SEMA3D: variants seen among roughly 807,000 people sequenced by gnomAD.
SEMA3D encodes semaphorin-3D.
SEMA3D carries 84 observed loss-of-function variants against 100.1 expected under a neutral mutation model. The observed-to-expected ratio is 0.84, with a 90% CI of 0.70 to 1.01. The LOEUF (loss-of-function observed/expected upper bound fraction) is 1.01, where lower values mean the gene tolerates loss of function less well. Ranked by LOEUF, SEMA3D falls within the 50% of genes least tolerant of loss-of-function variation. SEMA3D has a pLI of 0.00. For missense variants in SEMA3D, 875 were observed against 934.1 expected, an observed-to-expected ratio of 0.94 and a Z score of 0.82; for synonymous variants, 312 against 320.7, an observed-to-expected ratio of 0.97 and a Z score of 0.29.
chr7:85,171,151 G>C (rs1414245114), intron 1 of SEMA3D, among the ~76,000 whole-genome samples: 1 of 152,058 alleles, frequency 6.6e-6, no homozygotes, highest in South Asian at 2.1e-4. Context: ...GTCACAACCA[G>C]TAGGAGACGG....
rs190778948 is a variant in SEMA3D, at chr7:85,160,750, G to A, written c.-172-7011C>T. 5.1e-4 allele frequency among the ~76,000 whole-genome samples: 77 copies of A among 152,170 alleles called. 1 individual carries two copies. Among genetic ancestry groups the A allele is most frequent in the Middle Eastern group, 3.4e-3 (1 of 292 alleles). On this transcript the variant is annotated intron_variant, in intron 1 of 18. Coordinates refer to ENST00000284136, the MANE Select transcript of SEMA3D (RefSeq NM_001384900.1). ...GAAAAATGATTAAGATACAAAGAAA[G>A]ATGATTTCTGATGGAAGATTAAAGC...
chr7:85,098,656 A>C lies in SEMA3D; in HGVS notation c.152-691T>G, dbSNP rs544128556. On this transcript the variant is annotated intron_variant, in intron 3 of 18. Coordinates refer to ENST00000284136, the MANE Select transcript of SEMA3D (RefSeq NM_001384900.1). ...CCCACCTCAGTGTTATAATTATTAC[A>C]ATCAATAAACCTACACTGGCACATA... 3.3e-5 allele frequency among the ~76,000 whole-genome samples: 5 copies of C among 152,028 alleles called. No individual in the cohort carries two copies. The East Asian group carries it at 7.8e-4, about 24-fold the overall frequency.
chr7:85,086,955 C>G (rs542861395), intron 4 of SEMA3D, among the ~76,000 whole-genome samples: 1 of 152,080 alleles, frequency 6.6e-6, no homozygotes. Flanking sequence ...TAAAAGTCAG[C>G]CCTCAGGATC....
At chr7:85,133,721 A>T (rs903678266) in intron 2 of SEMA3D, among the ~76,000 whole-genome samples, 39 of 151,982 alleles carry the variant, frequency 2.6e-4, no homozygotes, top group Admixed American at 1.5e-3. Flanking sequence ...CTCTGAAAGA[A>T]TTCACTTAAT....
the SEMA3D span, among the ~76,000 whole-genome samples, chr7:85,201,975 A>G: frequency 0.67 from 101,675 of 151,626 alleles, 34,898 homozygotes; most frequent in East Asian, 0.92. Flanking sequence ...TCACCTCATC[A>G]TCTCAATATG....
At position 84,995,894 on chromosome 7, in the gene SEMA3D, C is replaced by T. The variant is rs949754392; in HGVS notation, c.*3546G>A. 1 of 151,704 alleles carries T rather than the reference C, an allele frequency of 6.6e-6. No individual in the cohort carries two copies. Among genetic ancestry groups the T allele is most frequent in the East Asian group, 1.9e-4 (1 of 5,174 alleles). The allele number at this position is 151,704 out of a possible 1,614,324, so 9.4% of individuals were successfully genotyped here. On this transcript the variant is annotated 3_prime_UTR_variant, in exon 19 of 19. Transcript: ENST00000284136. ...GAATCTGGGAATCGATTTTATTTTA[C>T]CTGACTTGTAAGATGAATTATTTAA...
At chr7:85,092,288 C>T (rs1225812246) in intron 4 of SEMA3D, among the ~76,000 whole-genome samples, 2 of 151,930 alleles carry the variant, frequency 1.3e-5, no homozygotes, top group African/African-American at 4.8e-5. Flanking sequence ...TGTATTATGC[C>T]TTGTCTCCCT....
At chr7:85,225,469 G>T in the SEMA3D span, among the ~76,000 whole-genome samples, 1 of 151,756 alleles carries the variant, frequency 6.6e-6, no homozygotes, top group Non-Finnish European at 1.5e-5. Flanking sequence ...GGTCTTCCAG[G>T]TGGAGTGGCT....
intron 2 of SEMA3D, among the ~76,000 whole-genome samples, chr7:85,128,726 T>TA (rs1789634770): frequency 6.6e-6 from 1 of 151,634 alleles, no homozygotes; most frequent in African/African-American, 2.4e-5. Context: ...ATTTGAATTG[T>TA]AAAAAATTGA....
chr7:85,248,149 C>CA, the SEMA3D span, among the ~76,000 whole-genome samples: 4 of 151,886 alleles, frequency 2.6e-5, no homozygotes, highest in Admixed American at 6.6e-5. Context: ...AATCTGATAA[C>CA]AAAAAAAGGG....
At position 85,042,128 on chromosome 7, in the gene SEMA3D, G is replaced by C. The variant is rs375698372; in HGVS notation, c.976+43C>G. On this transcript the variant is annotated intron_variant, in intron 10 of 18. Transcript: ENST00000284136. Reference sequence around the variant, plus strand: ...AAATAAATGCCAAGTTACTTAATTAGGCAGTAAGGCCTTTCCAAGAAAGAA... The same window carrying C: ...AAATAAATGCCAAGTTACTTAATTACGCAGTAAGGCCTTTCCAAGAAAGAA... 8 of 1,284,360 alleles carry C rather than the reference G, an allele frequency of 6.2e-6. No homozygotes were observed. In the South Asian group the frequency reaches 9.6e-5, roughly 15 times the overall value. The allele number at this position is 1,284,360 out of a possible 1,614,324, so 79.6% of individuals were successfully genotyped here.
At chr7:85,092,469 T>A (rs1475524976) in intron 4 of SEMA3D, among the ~76,000 whole-genome samples, 1 of 152,010 alleles carries the variant, frequency 6.6e-6, no homozygotes, top group Non-Finnish European at 1.5e-5. Flanking sequence ...TTATAAAGTA[T>A]CCCAAGTTTT....
chr7:85,217,558 A>AT, the SEMA3D span, among the ~76,000 whole-genome samples: 1 of 152,056 alleles, frequency 6.6e-6, no homozygotes, highest in African/African-American at 2.4e-5. Context: ...AAAGTGCAAG[A>AT]TTTAGCCAAT....
chr7:85,163,156 A>C (rs926987761), intron 1 of SEMA3D: 4 of 164,930 alleles, frequency 2.4e-5, no homozygotes, highest in Non-Finnish European at 5.0e-5. Flanking sequence ...AAGTGAGCCA[A>C]TGCTTGTGCA....
At chr7:85,197,754 T>C in the SEMA3D span, among the ~76,000 whole-genome samples, 1 of 152,154 alleles carries the variant, frequency 6.6e-6, no homozygotes, top group Admixed American at 6.5e-5. Flanking sequence ...TAATAACCTA[T>C]AACCCTGCAA....
At chr7:85,085,716 G>GT in intron 4 of SEMA3D, among the ~76,000 whole-genome samples, 1 of 152,232 alleles carries the variant, frequency 6.6e-6, no homozygotes, top group Admixed American at 6.5e-5. Context: ...TTGATCCTCT[G>GT]TTTTAAAGTA....
At chr7:85,230,809 C>T in the SEMA3D span, among the ~76,000 whole-genome samples, 1 of 152,186 alleles carries the variant, frequency 6.6e-6, no homozygotes, top group Non-Finnish European at 1.5e-5. Context: ...AACCGTTAAA[C>T]TAGTCTGCTT....
At chr7:85,146,745 A>G (rs551620208) in intron 2 of SEMA3D, among the ~76,000 whole-genome samples, 1 of 152,194 alleles carries the variant, frequency 6.6e-6, no homozygotes, top group African/African-American at 2.4e-5. Context: ...ATCTTTCAGG[A>G]AAAATGTACA....
At chr7:85,106,952 G>C (rs534894652) in intron 3 of SEMA3D, among the ~76,000 whole-genome samples, 2 of 151,982 alleles carry the variant, frequency 1.3e-5, no homozygotes, top group Non-Finnish European at 2.9e-5. Context: ...GGGATTACGG[G>C]AACTACAATT....
Sources: gnomAD v4.1 joint callset for allele counts (sites outside exome capture counted in the v4.1 genomes callset) on GRCh38, gnomAD v4.1.1 for gene constraint, MANE v1.5 for transcripts, NCBI Gene and HGNC (gene_info 2026-07-23, HGNC 2026-07-21) for gene names.